ATP2B4: variants seen among roughly 807,000 people sequenced by gnomAD.
ATP2B4 encodes the protein ATPase plasma membrane Ca2+ transporting 4, also known as plasma membrane calcium-transporting ATPase 4.
A neutral mutation model predicts 110.3 loss-of-function variants in ATP2B4; 39 were observed. The observed-to-expected ratio is 0.35, with a 90% CI of 0.27 to 0.46. The LOEUF (loss-of-function observed/expected upper bound fraction) is 0.46, where lower values mean the gene tolerates loss of function less well. Ranked by LOEUF, ATP2B4 falls within the 20% of genes least tolerant of loss-of-function variation. The pLI is 1.00. For missense variants in ATP2B4, 1,135 were observed against 1,530.9 expected, an observed-to-expected ratio of 0.74 and a Z score of 4.32; for synonymous variants, 538 against 571.7, an observed-to-expected ratio of 0.94 and a Z score of 0.84.
intron 1 of ATP2B4, among the ~76,000 whole-genome samples, chr1:203,642,204 C>G (rs994658924): frequency 1.3e-5 from 2 of 152,130 alleles, no homozygotes; most frequent in East Asian, 3.8e-4. Flanking sequence ...AACTCAACCT[C>G]CTGAGTAGCT....
intron 1 of ATP2B4, among the ~76,000 whole-genome samples, chr1:203,630,690 G>A (rs140864107): frequency 6.6e-6 from 1 of 152,130 alleles, no homozygotes; most frequent in East Asian, 1.9e-4. Context: ...CTCAGACAAG[G>A]CTCCCTACCC....
At chr1:203,734,044 G>A (rs929443081) in intron 20 of ATP2B4, among the ~76,000 whole-genome samples, 4 of 152,160 alleles carry the variant, frequency 2.6e-5, no homozygotes, top group Non-Finnish European at 1.5e-5. Flanking sequence ...GATGGCTCAC[G>A]CCTGTAATCC....
chr1:203,700,336 A>G lies in ATP2B4; in HGVS notation c.775+5A>G, dbSNP rs765894937. ...AAGACCCCATGTTGCTCTCAGGTAT[A>G]GGCCCTGGCTGCCCAAGTTCCCATT... On this transcript the variant is annotated splice_donor_5th_base_variant and intron_variant, in intron 5 of 20. Coordinates refer to ENST00000357681, the MANE Select transcript of ATP2B4 (RefSeq NM_001684.5). 21 of 1,608,714 alleles carry G rather than the reference A, an allele frequency of 1.3e-5. 1 individual carries two copies. In the South Asian group the frequency reaches 2.3e-4, roughly 18 times the overall value.
chr1:203,730,389 G>A (rs1021395035), intron 20 of ATP2B4, among the ~76,000 whole-genome samples: 4 of 152,044 alleles, frequency 2.6e-5, no homozygotes, highest in South Asian at 2.1e-4. Context: ...GAATCCCCAC[G>A]CTCACTCCCT....
chr1:203,666,634 GGCCTTATAAT>G (rs1425291478), intron 1 of ATP2B4, among the ~76,000 whole-genome samples: 1 of 151,694 alleles, frequency 6.6e-6, no homozygotes, highest in African/African-American at 2.4e-5. Flanking sequence ...ATCTGAATAG[GGCCTTATAAT>G]CCTACAAATG....
chr1:203,654,458 A>G (rs1664097693), intron 1 of ATP2B4, among the ~76,000 whole-genome samples: 2 of 152,216 alleles, frequency 1.3e-5, no homozygotes, highest in African/African-American at 4.8e-5. Flanking sequence ...ACAAGGAACA[A>G]ATTTGACTTT....
In ATP2B4 at chr1:203,720,591, A is replaced by C; in HGVS notation, c.2449A>C (p.Ile817Leu). ...TDVAKEASDI[I>L]LTDDNFTSIV... is the part of the protein sequence containing the mutation. ...TGTAGCAAAGGAGGCTTCAGACATC[A>C]TCCTAACAGATGACAACTTCACCAG... The change falls in exon 16 of 21, where the codon ATC (isoleucine) becomes CTC (leucine). Residue 817 changes from isoleucine (I) to leucine (L), a missense_variant. Transcript: ENST00000357681. The C allele has an allele frequency of 6.2e-7, 1 of 1,613,674 alleles. No individual in the cohort carries two copies. The highest frequency in any genetic ancestry group is 8.5e-7 in the Non-Finnish European group (1 of 1,179,684).
At chr1:203,665,524 G>A (rs910111291) in intron 1 of ATP2B4, among the ~76,000 whole-genome samples, 5 of 152,108 alleles carry the variant, frequency 3.3e-5, no homozygotes, top group East Asian at 3.8e-4. Flanking sequence ...AGCCTTGGCC[G>A]GGCTCGGTGG....
chr1:203,655,025 G>C (rs892501613), intron 1 of ATP2B4, among the ~76,000 whole-genome samples: 1 of 152,130 alleles, frequency 6.6e-6, no homozygotes, highest in East Asian at 1.9e-4. Flanking sequence ...TTTCAGTGGA[G>C]GAAATAACTG....
chr1:203,633,296 G>C (rs538313338), intron 1 of ATP2B4, among the ~76,000 whole-genome samples: 1 of 152,286 alleles, frequency 6.6e-6, no homozygotes, highest in South Asian at 2.1e-4. Flanking sequence ...GGAAAACTCT[G>C]AACAGAAATG....
At chr1:203,673,455 G>A (rs907027329) in intron 1 of ATP2B4, among the ~76,000 whole-genome samples, 1 of 152,202 alleles carries the variant, frequency 6.6e-6, no homozygotes, top group African/African-American at 2.4e-5. Flanking sequence ...GCAGAGGGGT[G>A]GCAGGTTATT....
chr1:203,700,431 T>G, intron 5 of ATP2B4, 100 bp downstream of exon 5: 97 of 1,426,502 alleles, frequency 6.8e-5, no homozygotes, highest in East Asian at 9.4e-5. Context: ...TCCCATCTCC[T>G]TCCCTGGGGT....
At chr1:203,653,027 G>C (rs969957069) in intron 1 of ATP2B4, among the ~76,000 whole-genome samples, 2 of 152,184 alleles carry the variant, frequency 1.3e-5, no homozygotes, top group Non-Finnish European at 2.9e-5. Flanking sequence ...CCAAAGCTAG[G>C]CCTCTTGTAC....
At chr1:203,673,165 G>C (rs1177776434) in intron 1 of ATP2B4, among the ~76,000 whole-genome samples, 1 of 152,196 alleles carries the variant, frequency 6.6e-6, no homozygotes, top group Non-Finnish European at 1.5e-5. Flanking sequence ...CCCCAGACCA[G>C]ATGCATCAGC....
chr1:203,709,516 G>T lies in ATP2B4; in HGVS notation c.1773G>T (p.Lys591Asn). The change falls in exon 11 of 21, where the codon AAG becomes AAT. Residue 591 changes from lysine to asparagine, a missense_variant. Coordinates refer to ENST00000357681, the MANE Select transcript of ATP2B4 (RefSeq NM_001684.5). ...ACGGTGGCTTCCGTATGTACAGCAA[G>T]GGCGCCTCTGAGATCATCTTGCGCA... ...NPNGGFRMYS[K>N]GASEIILRKC... is the part of the protein sequence containing the mutation. 6.2e-7 allele frequency: 1 copy of T among 1,614,140 alleles called. No individual in the cohort carries two copies. Among genetic ancestry groups the T allele is most frequent in the South Asian group, 1.1e-5 (1 of 91,084 alleles).
intron 1 of ATP2B4, among the ~76,000 whole-genome samples, chr1:203,675,667 T>C (rs550236547): frequency 1.2e-4 from 18 of 152,258 alleles, no homozygotes; most frequent in African/African-American, 4.3e-4. Context: ...TTTGGTGGAA[T>C]TGAAGAAGGT....
intron 14 of ATP2B4, among the ~76,000 whole-genome samples, chr1:203,713,728 G>T (rs1013377959): frequency 6.6e-6 from 1 of 152,178 alleles, no homozygotes; most frequent in Non-Finnish European, 1.5e-5. Context: ...GCCTCCCAAA[G>T]TGTTGGGATT....
intron 1 of ATP2B4, among the ~76,000 whole-genome samples, chr1:203,672,757 T>C (rs995882552): frequency 6.6e-6 from 1 of 152,166 alleles, no homozygotes; most frequent in South Asian, 2.1e-4. Context: ...GGCCCCAGCA[T>C]CGCTCATCTC....
At chr1:203,671,945 G>A (rs923935061) in intron 1 of ATP2B4, among the ~76,000 whole-genome samples, 1 of 152,162 alleles carries the variant, frequency 6.6e-6, no homozygotes, top group Non-Finnish European at 1.5e-5. Context: ...GGGGATGGGG[G>A]CTTCGAAGCT....
Sources: allele counts gnomAD v4.1 joint callset (sites outside exome capture counted in the v4.1 genomes callset), GRCh38; gene constraint gnomAD v4.1.1; transcripts MANE v1.5; gene names NCBI Gene and HGNC (gene_info 2026-07-23, HGNC 2026-07-21).